The following SH3BGRL2 variants were observed in gnomAD, a reference collection of about 807,000 sequenced individuals.
SH3BGRL2 encodes the protein SH3 domain-binding glutamic acid-rich-like protein 2.
Under a neutral mutation model 14.8 loss-of-function variants are expected in SH3BGRL2, and 21 were observed. The observed-to-expected ratio is 1.42, with a 90% CI of 1.01 to 2.05. SH3BGRL2 has a LOEUF of 2.05. Among genes scored for constraint, SH3BGRL2 ranks in the 30% most tolerant of loss-of-function variants. SH3BGRL2 has a pLI of 0.00. For synonymous variants in SH3BGRL2, 50 were observed against 47.8 expected (o/e 1.05, Z -0.19); for missense variants, 147 against 130.8 (o/e 1.12, Z -0.61).
intron 1 of SH3BGRL2, among the ~76,000 whole-genome samples, chr6:79,671,841 A>T (rs571081646): frequency 6.8e-4 from 103 of 152,342 alleles, no homozygotes; most frequent in Non-Finnish European, 1.2e-3. Flanking sequence ...TGCAGACCTT[A>T]CAAACAGGCT....
At chr6:79,682,888 A>G (rs1227210127) in intron 2 of SH3BGRL2, among the ~76,000 whole-genome samples, 4 of 152,210 alleles carry the variant, frequency 2.6e-5, no homozygotes, top group Admixed American at 1.3e-4. Context: ...AGATGAGTTC[A>G]TGTTCTTTGC....
the SH3BGRL2 span, among the ~76,000 whole-genome samples, chr6:79,552,246 G>A: frequency 6.6e-6 from 1 of 152,172 alleles, no homozygotes; most frequent in Admixed American, 6.5e-5. Context: ...TGGTGGAACA[G>A]GGTTCCCGTT....
At chr6:79,618,745 C>G in the SH3BGRL2 span, among the ~76,000 whole-genome samples, 6 of 151,358 alleles carry the variant, frequency 4.0e-5, no homozygotes, top group Non-Finnish European at 7.4e-5. Flanking sequence ...ATGGAGAAAC[C>G]CTGTCTCTAC....
At chr6:79,647,235 T>C (rs1412144243) in intron 1 of SH3BGRL2, among the ~76,000 whole-genome samples, 1 of 152,158 alleles carries the variant, frequency 6.6e-6, no homozygotes, top group East Asian at 1.9e-4. Context: ...GTAGCACTTT[T>C]AGAGAATGCA....
the SH3BGRL2 span, among the ~76,000 whole-genome samples, chr6:79,547,354 A>G: frequency 6.6e-6 from 1 of 152,060 alleles, no homozygotes; most frequent in East Asian, 1.9e-4. Context: ...CTACTGGTAG[A>G]CCTGAGGGAA....
chr6:79,547,620 A>G, the SH3BGRL2 span, among the ~76,000 whole-genome samples: 2 of 152,078 alleles, frequency 1.3e-5, no homozygotes, highest in African/African-American at 4.8e-5. Flanking sequence ...TCTGGCTTCT[A>G]CTGTGTGGCG....
At chr6:79,673,284 C>T (rs16890919) in intron 1 of SH3BGRL2, among the ~76,000 whole-genome samples, 16,185 of 151,890 alleles carry the variant, frequency 0.11, 1,151 homozygotes, top group East Asian at 0.32. Flanking sequence ...AAGAAACGAC[C>T]GTGTTAGTGG....
the SH3BGRL2 span, among the ~76,000 whole-genome samples, chr6:79,580,056 A>G: frequency 1.3e-5 from 2 of 152,242 alleles, no homozygotes; most frequent in Non-Finnish European, 1.5e-5. Flanking sequence ...AAAGAAGGCC[A>G]TTACATAATG....
upstream of SH3BGRL2, among the ~76,000 whole-genome samples, chr6:79,630,019 C>T (rs1347729161): frequency 6.6e-6 from 1 of 152,026 alleles, no homozygotes; most frequent in East Asian, 1.9e-4. Flanking sequence ...CGTGCATTTC[C>T]ACATTTATGG....
At chr6:79,675,194 G>A (rs969203392) in intron 2 of SH3BGRL2, among the ~76,000 whole-genome samples, 3 of 152,096 alleles carry the variant, frequency 2.0e-5, no homozygotes, top group Admixed American at 6.6e-5. Flanking sequence ...TCTGTCCCTC[G>A]GACTTCGAGG....
the SH3BGRL2 span, among the ~76,000 whole-genome samples, chr6:79,601,986 C>A: frequency 6.6e-6 from 1 of 152,072 alleles, no homozygotes. Context: ...CATTGAGCAA[C>A]AGCTTTAGCT....
the SH3BGRL2 span, among the ~76,000 whole-genome samples, chr6:79,607,790 C>T: frequency 0.024 from 3,699 of 152,096 alleles, 61 homozygotes; most frequent in Middle Eastern, 0.071. Context: ...ACTAAAAATA[C>T]AAAAATTAGT....
At chr6:79,538,753 G>T in the SH3BGRL2 span, among the ~76,000 whole-genome samples, 1 of 152,232 alleles carries the variant, frequency 6.6e-6, no homozygotes, top group South Asian at 2.1e-4. Context: ...ATTGCTGAAG[G>T]AGAGCTGAGA....
chr6:79,653,216 G>A (rs1214124872), intron 1 of SH3BGRL2, among the ~76,000 whole-genome samples: 4 of 152,060 alleles, frequency 2.6e-5, no homozygotes, highest in African/African-American at 9.7e-5. Context: ...AAAAGACAAC[G>A]AGTTATTCTG....
intron 1 of SH3BGRL2, among the ~76,000 whole-genome samples, chr6:79,664,161 C>T (rs565427931): frequency 3.9e-5 from 6 of 152,320 alleles, no homozygotes; most frequent in East Asian, 3.9e-4. Context: ...GCTCGCCCTC[C>T]GTGGGCTGCA....
intron 1 of SH3BGRL2, among the ~76,000 whole-genome samples, chr6:79,657,814 A>G (rs1222366907): frequency 1.3e-5 from 2 of 152,098 alleles, no homozygotes; most frequent in Non-Finnish European, 2.9e-5. Context: ...ATTTGCTTCT[A>G]GTATTATCCT....
upstream of SH3BGRL2, among the ~76,000 whole-genome samples, chr6:79,630,989 G>A (rs538274012): frequency 6.6e-6 from 1 of 152,338 alleles, no homozygotes; most frequent in Admixed American, 6.5e-5. Context: ...ATTTCTGGGT[G>A]TGGATGCTCC....
the SH3BGRL2 span, among the ~76,000 whole-genome samples, chr6:79,559,112 T>C: frequency 6.6e-6 from 1 of 152,172 alleles, no homozygotes; most frequent in South Asian, 2.1e-4. Context: ...TTTTCCACTG[T>C]ATAGTTACCA....
At chr6:79,542,269 C>CT in the SH3BGRL2 span, among the ~76,000 whole-genome samples, 49,642 of 145,698 alleles carry the variant, frequency 0.34, 9,196 homozygotes, top group East Asian at 0.8. Context: ...CTATATCCTA[C>CT]TTTTTTTTTT....
Sources: allele counts gnomAD v4.1 joint callset (sites outside exome capture counted in the v4.1 genomes callset), GRCh38; gene constraint gnomAD v4.1.1; transcripts MANE v1.5; gene names NCBI Gene and HGNC (gene_info 2026-07-23, HGNC 2026-07-21).